LRRK2: variants seen among roughly 807,000 people sequenced by gnomAD.
The protein encoded by LRRK2 is leucine rich repeat kinase 2.
A neutral mutation model predicts 302.6 loss-of-function variants in LRRK2; 203 were observed. The ratio of observed to expected loss-of-function variants is 0.67; its 90% CI spans 0.60 to 0.75. The LOEUF (loss-of-function observed/expected upper bound fraction) is 0.75, where lower values mean the gene tolerates loss of function less well. LRRK2 is among the 30% of genes least tolerant of loss of function. The pLI is 0.00. For synonymous variants in LRRK2, 1,066 were observed against 1,031.9 expected (o/e 1.03, Z -0.63); for missense variants, 2,830 against 2,951.0 (o/e 0.96, Z 0.95).
intron 46 of LRRK2, 130 bp downstream of exon 46, chr12:40,356,317 C>G (rs1301621082): frequency 4.5e-6 from 3 of 667,078 alleles, no homozygotes; most frequent in Non-Finnish European, 7.5e-6. Flanking sequence ...ATTTGTATTG[C>G]TTCATAAAAT....
intron 5 of LRRK2, 71 bp downstream of exon 5, chr12:40,238,174 C>T (rs1451403721): frequency 5.5e-6 from 8 of 1,442,428 alleles, no homozygotes; most frequent in Middle Eastern, 2.1e-4. Context: ...AAGTAGAACA[C>T]AGTTATAATA....
At chr12:40,359,227 T>G in intron 46 of LRRK2, 33 bp from the exon 47 acceptor site, 1 of 1,562,766 alleles carries the variant, frequency 6.4e-7, no homozygotes, top group South Asian at 1.1e-5. Flanking sequence ...ATACTCAATT[T>G]GCTGAGTGTG....
rs77278789 is a variant in LRRK2, at chr12:40,314,857, G to A, written c.4739-355G>A. Among the ~76,000 whole-genome samples the A allele has an allele frequency of 6.1e-3, 933 of 152,118 alleles. 14 individuals are homozygous for A. In the South Asian group the frequency reaches 0.073, roughly 12 times the overall value. ...TTCCCCATCGTTCTTAAGGTATGCT[G>A]AGATATGCTGTGTTTCTTATCTGTA... On this transcript the variant is annotated intron_variant, in intron 32 of 50. Transcript: ENST00000298910.
At chr12:40,367,254 A>G in intron 50 of LRRK2, 177 bp downstream of exon 50, 1 of 577,552 alleles carries the variant, frequency 1.7e-6, no homozygotes, top group Non-Finnish European at 3.0e-6. Flanking sequence ...AGTGATATGA[A>G]GTGTTAAATA....
intron 39 of LRRK2, among the ~76,000 whole-genome samples, chr12:40,333,679 T>A (rs1452476444): frequency 6.6e-6 from 1 of 151,486 alleles, no homozygotes; most frequent in African/African-American, 2.4e-5. Context: ...TATCTCGGAC[T>A]TTTTTTGAAT....
At chr12:40,338,310 C>A (rs1945936247) in intron 40 of LRRK2, among the ~76,000 whole-genome samples, 1 of 152,080 alleles carries the variant, frequency 6.6e-6, no homozygotes, top group Admixed American at 6.6e-5. Context: ...ATGACTGGCC[C>A]TCATAGATAC....
At chr12:40,276,318 CAG>C (rs1220419144) in intron 16 of LRRK2, among the ~76,000 whole-genome samples, 2 of 152,134 alleles carry the variant, frequency 1.3e-5, no homozygotes, top group African/African-American at 4.8e-5. Flanking sequence ...TTTTTTGAGA[CAG>C]AGTCTCACTC....
At position 40,292,108 on chromosome 12, in the gene LRRK2, C is replaced by T. The variant is rs569584938; in HGVS notation, c.2690-1437C>T. ...CAGAACTCCCAGCTATCTCAGTCTC[C>T]ATAAATGTTGATCTCTATCTCCTCA... is the stretch of plus-strand genomic sequence containing the variant. On this transcript the variant is annotated intron_variant, in intron 20 of 50. Transcript: ENST00000298910. Among the ~76,000 whole-genome samples the T allele has an allele frequency of 2.9e-3, 437 of 152,110 alleles. 3 individuals carry two copies. The highest frequency in any genetic ancestry group is 4.9e-3 in the Non-Finnish European group (331 of 67,980).
chr12:40,309,261 G>GA, intron 30 of LRRK2, 28 bp downstream of exon 30: 1 of 1,600,496 alleles, frequency 6.2e-7, no homozygotes, highest in Non-Finnish European at 8.5e-7. Context: ...TTTGAAAATA[G>GA]AAAATAATTC....
rs531178601 is a variant in LRRK2 at position 40,268,770 on chromosome 12, G to C, written c.1656+4869G>C. Among the ~76,000 whole-genome samples, 11 of 152,192 alleles carry C rather than the reference G, an allele frequency of 7.2e-5. 1 individual carries two copies. The highest frequency in any genetic ancestry group is 2.6e-4 in the African/African-American group (11 of 41,538). On this transcript the variant is annotated intron_variant, in intron 14 of 50. Coordinates refer to ENST00000298910, the MANE Select transcript of LRRK2 (RefSeq NM_198578.4). ...ATTATACAATTTTAGTAATTATAAT[G>C]GTGTGATACTGGCACTAGGGGAGAG...
intron 7 of LRRK2, among the ~76,000 whole-genome samples, chr12:40,248,743 T>C (rs1942122948): frequency 6.6e-6 from 1 of 152,224 alleles, no homozygotes. Flanking sequence ...TCCTGCTGTT[T>C]TCTGAGTCAC....
chr12:40,265,731 A>G (rs947688333), intron 14 of LRRK2, among the ~76,000 whole-genome samples: 2 of 152,152 alleles, frequency 1.3e-5, no homozygotes, highest in African/African-American at 4.8e-5. Context: ...CATGCTCCCC[A>G]CGCTACCTGA....
At chr12:40,301,069 A>T (rs1420621517) in intron 25 of LRRK2, 2 of 457,954 alleles carry the variant, frequency 4.4e-6, no homozygotes, top group Non-Finnish European at 8.8e-6. Flanking sequence ...TTACAGGTGC[A>T]TACAATTAAT....
intron 48 of LRRK2, among the ~76,000 whole-genome samples, chr12:40,364,247 A>T (rs1182403328): frequency 6.6e-6 from 1 of 151,972 alleles, no homozygotes; most frequent in Non-Finnish European, 1.5e-5. Flanking sequence ...GATTCATCTG[A>T]CAGTTTTTCT....
chr12:40,310,915 G>C (rs545623616), intron 31 of LRRK2, among the ~76,000 whole-genome samples: 3 of 152,248 alleles, frequency 2.0e-5, no homozygotes, highest in Admixed American at 2.0e-4. Flanking sequence ...GTTTCTGAGA[G>C]AGAATCTGAG....
At chr12:40,305,669 G>T in intron 27 of LRRK2, 116 bp from the exon 28 acceptor site, 2 of 884,198 alleles carry the variant, frequency 2.3e-6, no homozygotes, top group Admixed American at 1.8e-5. Flanking sequence ...TCTGTTGAAA[G>T]GTTGTGCAAG....
At chr12:40,342,296 C>A (rs1946067727) in intron 41 of LRRK2, among the ~76,000 whole-genome samples, 1 of 152,124 alleles carries the variant, frequency 6.6e-6, no homozygotes, top group Non-Finnish European at 1.5e-5. Context: ...TGCTGAAAAC[C>A]TGTCTAAAAT....
Position 40,328,361 on chromosome 12 carries a change from T to G in LRRK2, c.5658T>G (p.Gly1886=), listed in dbSNP as rs1162017697. 4 of 1,613,424 alleles carry G rather than the reference T, an allele frequency of 2.5e-6. No homozygotes were observed. The highest frequency in any genetic ancestry group is 3.4e-6 in the Non-Finnish European group (4 of 1,179,468). Residue 1886 remains glycine, a splice_region_variant and synonymous_variant, in exon 39 of 51, where the codon GGT becomes GGG. Transcript: ENST00000298910. The stretch of plus-strand genomic sequence containing the variant: ...TGCTTTGTATTTTCTTTTCAAAAGG[T>G]GATGGCAGTTTTGGATCAGTTTACC... ...EFEQAPEFLL[G]DGSFGSVYRA...
At chr12:40,257,764 C>T (rs1227476581) in intron 12 of LRRK2, among the ~76,000 whole-genome samples, 1 of 152,190 alleles carries the variant, frequency 6.6e-6, no homozygotes, top group African/African-American at 2.4e-5. Context: ...ATTCCTTCAT[C>T]TGAATGAACT....
Sources: allele counts gnomAD v4.1 joint callset (sites outside exome capture counted in the v4.1 genomes callset), GRCh38; gene constraint gnomAD v4.1.1; transcripts MANE v1.5; gene names NCBI Gene and HGNC (gene_info 2026-07-23, HGNC 2026-07-21).